Variants in PPP2R2C observed in about 807,000 individuals in gnomAD.
PPP2R2C encodes the protein protein phosphatase 2 regulatory subunit Bgamma, also known as protein phosphatase 2, regulatory subunit B, gamma.
PPP2R2C carries 10 observed loss-of-function variants against 45.3 expected under a neutral mutation model. That is an observed-to-expected ratio of 0.22 (90% CI 0.14 to 0.37). The LOEUF (loss-of-function observed/expected upper bound fraction) is 0.37. Among genes scored for constraint, PPP2R2C ranks in the 10% least tolerant of loss-of-function variants. PPP2R2C has a pLI of 1.00. For synonymous variants in PPP2R2C, 257 were observed against 245.4 expected (o/e 1.05, Z -0.44); for missense variants, 308 against 619.7 (o/e 0.50, Z 5.34).
chr4:6,394,002 G>A (rs978454566), intron 1 of PPP2R2C, among the ~76,000 whole-genome samples: 5 of 152,202 alleles, frequency 3.3e-5, no homozygotes, highest in African/African-American at 1.2e-4. Flanking sequence ...GAGGGAGACC[G>A]AGAGAAGATC....
At chr4:6,425,912 G>T (rs146259189) in intron 1 of PPP2R2C, among the ~76,000 whole-genome samples, 1 of 152,026 alleles carries the variant, frequency 6.6e-6, no homozygotes, top group Non-Finnish European at 1.5e-5. Flanking sequence ...GCATGCACAC[G>T]TGCATGCATG....
Position 6,378,253 on chromosome 4 carries a change from T to G in PPP2R2C, c.334+154A>C, listed in dbSNP as rs1715502883. On this transcript the variant is annotated intron_variant, in intron 3 of 8. Coordinates refer to ENST00000382599, the MANE Select transcript of PPP2R2C (RefSeq NM_020416.4). This position sits in a 1 kb window ranked among gnomAD's most constrained non-coding sequence, Gnocchi z 5.2. ...GTCTGAGGGGGTCTGGCATACTCAC[T>G]CATGGGATTTATATGCTGCTCAAAA... The G allele has an allele frequency of 1.1e-6, 1 of 942,936 alleles. No individual in the cohort carries two copies. Among genetic ancestry groups the G allele is most frequent in the Non-Finnish European group, 1.3e-6 (1 of 791,968 alleles). The allele number at this position is 942,936 out of a possible 1,614,324, so 58.4% of individuals were successfully genotyped here. A position where few individuals can be genotyped will look rare whatever the true frequency, so the allele number is the denominator to read the frequency against.
chr4:6,463,640 G>C (rs1721443831), intron 1 of PPP2R2C, among the ~76,000 whole-genome samples: 1 of 152,248 alleles, frequency 6.6e-6, no homozygotes, highest in African/African-American at 2.4e-5. Flanking sequence ...GTCTCAAGCA[G>C]AGGAGCTGGA....
chr4:6,348,090 C>A, intron 5 of PPP2R2C, 80 bp from the exon 6 acceptor site: 1 of 1,532,038 alleles, frequency 6.5e-7, no homozygotes, highest in Admixed American at 1.8e-5. Context: ...TGACACCTCT[C>A]CCGAGGCAAA....
intron 2 of PPP2R2C, among the ~76,000 whole-genome samples, chr4:6,493,277 G>T (rs192226567): frequency 2.0e-5 from 3 of 151,788 alleles, no homozygotes; most frequent in Non-Finnish European, 4.4e-5. Context: ...CCCCCTTTCT[G>T]GGCTTTGCTT....
At chr4:6,548,490 G>A (rs898501536) in intron 1 of PPP2R2C, among the ~76,000 whole-genome samples, 10 of 152,184 alleles carry the variant, frequency 6.6e-5, no homozygotes, top group Admixed American at 3.9e-4. Flanking sequence ...ACAGCACAGC[G>A]ACTCCTGAAA....
At chr4:6,460,912 C>T (rs1053025897) in intron 1 of PPP2R2C, among the ~76,000 whole-genome samples, 1 of 152,108 alleles carries the variant, frequency 6.6e-6, no homozygotes, top group Non-Finnish European at 1.5e-5. Flanking sequence ...CACAAACAGT[C>T]CTGCCTCCCA....
intron 4 of PPP2R2C, 29 bp from the exon 5 acceptor site, chr4:6,372,729 G>A: frequency 6.2e-7 from 1 of 1,607,940 alleles, no homozygotes; most frequent in Non-Finnish European, 8.5e-7. Context: ...CAGGGAAGAG[G>A]TGAAGGCCAG....
At chr4:6,511,513 G>T (rs1267514303) in intron 2 of PPP2R2C, among the ~76,000 whole-genome samples, 3 of 28,054 alleles carry the variant, frequency 1.1e-4, no homozygotes, top group East Asian at 1.7e-3. Flanking sequence ...GATGGTGGTG[G>T]TGGTGGTGGT....
chr4:6,473,846 C>T (rs1012167584), upstream of PPP2R2C, among the ~76,000 whole-genome samples: 10 of 152,184 alleles, frequency 6.6e-5, no homozygotes, highest in Admixed American at 2.0e-4. Flanking sequence ...GCTTTCGTGC[C>T]TTTGAAATCC....
chr4:6,398,585 A>G (rs1717211768), intron 1 of PPP2R2C, among the ~76,000 whole-genome samples: 1 of 152,190 alleles, frequency 6.6e-6, no homozygotes, highest in South Asian at 2.1e-4. Flanking sequence ...GGCGAACATT[A>G]AAAAGACTAA....
At chr4:6,548,507 C>T (rs1725071414) in intron 1 of PPP2R2C, among the ~76,000 whole-genome samples, 1 of 152,342 alleles carries the variant, frequency 6.6e-6, no homozygotes, top group Admixed American at 6.5e-5. Flanking sequence ...GAAAACAGCC[C>T]TGTATTTGGA....
intron 1 of PPP2R2C, among the ~76,000 whole-genome samples, chr4:6,545,079 C>T (rs183409923): frequency 1.2e-3 from 188 of 152,286 alleles, no homozygotes; most frequent in Non-Finnish European, 1.9e-3. Flanking sequence ...GTCCCCACAG[C>T]CTGGGGCTCT....
intron 1 of PPP2R2C, among the ~76,000 whole-genome samples, chr4:6,538,093 GC>G (rs2108829137): frequency 1.3e-5 from 2 of 152,200 alleles, no homozygotes; most frequent in Non-Finnish European, 2.9e-5. Flanking sequence ...CACTGAAAAT[GC>G]TTAAAATGAT....
chr4:6,523,273 A>C (rs1248104845), intron 2 of PPP2R2C, among the ~76,000 whole-genome samples: 1 of 152,146 alleles, frequency 6.6e-6, no homozygotes, highest in Non-Finnish European at 1.5e-5. Context: ...GAAAGAACAC[A>C]AGACTTCAGA....
chr4:6,510,954 G>A (rs931821065), intron 2 of PPP2R2C, among the ~76,000 whole-genome samples: 5 of 132,128 alleles, frequency 3.8e-5, no homozygotes, highest in South Asian at 4.9e-4. Flanking sequence ...TCCAGCCTCG[G>A]CAACAGAGTG....
At chr4:6,381,391 TC>T in intron 1 of PPP2R2C, 1 of 1,453,408 alleles carries the variant, frequency 6.9e-7, no homozygotes, top group East Asian at 2.9e-5. Flanking sequence ...TCTATGGGAC[TC>T]ACGGTGGTAT....
At chr4:6,410,392 G>A (rs1718084640) in intron 1 of PPP2R2C, among the ~76,000 whole-genome samples, 1 of 152,168 alleles carries the variant, frequency 6.6e-6, no homozygotes, top group East Asian at 1.9e-4. Flanking sequence ...GGGGGGTGGT[G>A]GCCACGAGTG....
intron 4 of PPP2R2C, among the ~76,000 whole-genome samples, chr4:6,373,320 G>A (rs897654257): frequency 1.3e-5 from 2 of 152,224 alleles, no homozygotes; most frequent in Non-Finnish European, 2.9e-5. Flanking sequence ...ATGCATTTCC[G>A]TGCTCGGCCC....
Sources: allele counts gnomAD v4.1 joint callset (sites outside exome capture counted in the v4.1 genomes callset), GRCh38; gene constraint gnomAD v4.1.1; non-coding constraint Gnocchi (gnomAD v3.1); transcripts MANE v1.5; gene names NCBI Gene and HGNC (gene_info 2026-07-23, HGNC 2026-07-21).